Variants in BCL11B observed in about 807,000 individuals in gnomAD.
BCL11B encodes the protein BCL11 transcription factor B, also known as B-cell lymphoma/leukemia 11B.
A neutral mutation model predicts 49.9 loss-of-function variants in BCL11B; 8 were observed. The observed-to-expected ratio is 0.16, with a 90% CI of 0.09 to 0.29. The LOEUF (loss-of-function observed/expected upper bound fraction) is 0.29. Ranked by LOEUF, BCL11B falls within the 10% of genes least tolerant of loss-of-function variation. The probability of loss-of-function intolerance (pLI) is 1.00; values close to 1 mark genes in which losing one functional copy is unlikely to be tolerated. For missense variants in BCL11B, 1,006 were observed against 1,351.0 expected (o/e 0.74, Z 4.00); for synonymous variants, 739 against 637.4 (o/e 1.16, Z -2.40).
chr14:99,267,550 C>CCG (rs1555385127), intron 1 of BCL11B, among the ~76,000 whole-genome samples: 1 of 149,732 alleles, frequency 6.7e-6, no homozygotes, highest in Non-Finnish European at 1.5e-5. Flanking sequence ...CTTCACCCCC[C>CCG]CCCCACCAAC....
At chr14:99,186,819 A>G (rs545979746) in intron 3 of BCL11B, among the ~76,000 whole-genome samples, 1 of 152,344 alleles carries the variant, frequency 6.6e-6, no homozygotes, top group South Asian at 2.1e-4. Flanking sequence ...CAATATAACA[A>G]AAGGATGCAT....
In BCL11B at chr14:99,271,314, T is replaced by TGCG; in HGVS notation, c.-97_-96insCGC. On this transcript the variant is annotated 5_prime_UTR_variant, in exon 1 of 4. Transcript: ENST00000357195. ...GCCGCCGCCGCGCCGCTGCCGCCGC[T>TGCG]GCCGCCGCCGCCGCCGCCGCCGCAC... 1 of 849,218 alleles carries TGCG rather than the reference T, an allele frequency of 1.2e-6. No homozygotes were observed. Among genetic ancestry groups the TGCG allele is most frequent in the South Asian group, 5.2e-5 (1 of 19,322 alleles). The allele number at this position is 849,218 out of a possible 1,614,324, so 52.6% of individuals were successfully genotyped here.
At chr14:99,261,831 C>T (rs768985214) in intron 1 of BCL11B, among the ~76,000 whole-genome samples, 15 of 152,138 alleles carry the variant, frequency 9.9e-5, no homozygotes, top group Non-Finnish European at 1.9e-4. Context: ...AGGGCTGAGG[C>T]GGATTCTGAA....
chr14:99,266,706 G>A (rs1387105726), intron 1 of BCL11B, among the ~76,000 whole-genome samples: 2 of 152,240 alleles, frequency 1.3e-5, no homozygotes, highest in East Asian at 1.9e-4. Flanking sequence ...TAGCGGAGGC[G>A]CCAAGCCATG....
chr14:99,216,863 G>T (rs188367815), intron 3 of BCL11B, among the ~76,000 whole-genome samples: 3 of 151,186 alleles, frequency 2.0e-5, no homozygotes, highest in Non-Finnish European at 2.9e-5. Context: ...ACACACACAC[G>T]CATACATACA....
In BCL11B at chr14:99,170,490, T is replaced by G. The variant is rs1886252673; in HGVS notation, c.*3661A>C. The stretch of plus-strand genomic sequence containing the variant: ...AAAGACCACCACTTTATCTTAAAGC[T>G]ACTTGGCTTTACAAAAAATAAAAAT... On this transcript the variant is annotated 3_prime_UTR_variant, in exon 4 of 4. Coordinates refer to ENST00000357195, the MANE Select transcript of BCL11B (RefSeq NM_138576.4). The G allele has an allele frequency of 4.4e-6, 1 of 227,972 alleles. No individual in the cohort carries two copies. The highest frequency in any genetic ancestry group is 2.2e-5 in the African/African-American group (1 of 44,928). The allele number at this position is 227,972 out of a possible 1,614,324, so 14.1% of individuals were successfully genotyped here. A position where few individuals can be genotyped will look rare whatever the true frequency, so the allele number is the denominator to read the frequency against.
Position 99,176,077 on chromosome 14 carries a change from C to A in BCL11B, c.759G>T (p.Gly253=), listed in dbSNP as rs1054936601. Residue 253 remains glycine (G), a synonymous_variant, in exon 4 of 4, where the codon GGG becomes GGT. Transcript: ENST00000357195. The part of the protein sequence containing the change: ...THGFRIYLEP[G]PASSSLTPRL... ...GCGGCGTGAGCGAGCTGCTGGCCGGCCCGGGCTCCAGGTAGATGCGGAAGC... is the reference window on the plus strand; with the variant it reads ...GCGGCGTGAGCGAGCTGCTGGCCGGACCGGGCTCCAGGTAGATGCGGAAGC... The A allele has an allele frequency of 1.2e-6, 2 of 1,606,392 alleles. No homozygotes were observed. The highest frequency in any genetic ancestry group is 2.7e-5 in the African/African-American group (2 of 74,388).
chr14:99,223,234 A>G (rs907024960), intron 3 of BCL11B, among the ~76,000 whole-genome samples: 27 of 152,094 alleles, frequency 1.8e-4, no homozygotes, highest in African/African-American at 5.5e-4. Flanking sequence ...CAGTTCATTC[A>G]TTTTTCCCCA....
chr14:99,254,470 G>T (rs544009961), intron 2 of BCL11B, among the ~76,000 whole-genome samples: 2 of 152,316 alleles, frequency 1.3e-5, no homozygotes, highest in East Asian at 1.9e-4. Context: ...GAAGAGCGGG[G>T]ACCTGCCTGG....
chr14:99,231,744 T>G lies in BCL11B; in HGVS notation c.428-187A>C, dbSNP rs1321508493. Among the ~76,000 whole-genome samples, 19 of 107,334 alleles carry G rather than the reference T, an allele frequency of 1.8e-4. No homozygotes were observed. Among genetic ancestry groups the G allele is most frequent in the South Asian group, 6.7e-4 (2 of 2,972 alleles). The allele number at this position is 107,334 out of a possible 152,430, so 70.4% of individuals were successfully genotyped here. A position where few individuals can be genotyped will look rare whatever the true frequency, so the allele number is the denominator to read the frequency against. On this transcript the variant is annotated intron_variant, in intron 2 of 3. Coordinates refer to ENST00000357195, the MANE Select transcript of BCL11B (RefSeq NM_138576.4). The surrounding 1 kb of genome is among the most constrained non-coding windows in gnomAD (Gnocchi z 8.1). ...AGGCGAGGGAATGGGCTCGGGGAGGTGGGCAGGGGGCACTGGGGAGGGCCC... is the reference window on the plus strand; with the variant it reads ...AGGCGAGGGAATGGGCTCGGGGAGGGGGGCAGGGGGCACTGGGGAGGGCCC...
rs1886297305 is a variant in BCL11B, at chr14:99,171,747, C to A, written c.*2404G>T. On this transcript the variant is annotated 3_prime_UTR_variant, in exon 4 of 4. Coordinates refer to ENST00000357195, the MANE Select transcript of BCL11B (RefSeq NM_138576.4). ...TTTTTTTGAAATAAAAATTCAACAC[C>A]CAAGGCAGAAAAAAATTTACTAAAA... The A allele has an allele frequency of 4.8e-6, 1 of 209,660 alleles. No homozygotes were observed. The highest frequency in any genetic ancestry group is 9.7e-6 in the Non-Finnish European group (1 of 103,256). The allele number at this position is 209,660 out of a possible 1,614,324, so 13.0% of individuals were successfully genotyped here. A position where few individuals can be genotyped will look rare whatever the true frequency, so the allele number is the denominator to read the frequency against.
Position 99,242,286 on chromosome 14 carries a change from C to T in BCL11B, c.428-10729G>A, listed in dbSNP as rs977008421. Among the ~76,000 whole-genome samples the T allele has an allele frequency of 6.6e-6, 1 of 152,206 alleles. No homozygotes were observed. Among genetic ancestry groups the T allele is most frequent in the Non-Finnish European group, 1.5e-5 (1 of 68,038 alleles). ...TTACATGGGCGTTGCATGATCTTGT[C>T]CCCCTGCTTCCCTACCTTTTCTCGC... is the stretch of plus-strand genomic sequence containing the variant. On this transcript the variant is annotated intron_variant, in intron 2 of 3. Transcript: ENST00000357195. The surrounding 1 kb of genome is among the most constrained non-coding windows in gnomAD (Gnocchi z 4.4).
Position 99,174,145 on chromosome 14 carries a change from G to A in BCL11B, c.*6C>T, listed in dbSNP as rs373415349. The A allele has an allele frequency of 8.1e-6, 13 of 1,609,612 alleles. No individual in the cohort carries two copies. The highest frequency in any genetic ancestry group is 6.7e-5 in the Admixed American group (4 of 59,980). ...GTACAGGTGCGGGGCGCCGGGGCCCGCGCGCTTAGCTCCTCTCGGCCTGCT... is the reference window on the plus strand; with the variant it reads ...GTACAGGTGCGGGGCGCCGGGGCCCACGCGCTTAGCTCCTCTCGGCCTGCT... On this transcript the variant is annotated 3_prime_UTR_variant, in exon 4 of 4. Coordinates refer to ENST00000357195, the MANE Select transcript of BCL11B (RefSeq NM_138576.4).
In BCL11B at chr14:99,271,328, C is replaced by CG; in HGVS notation, c.-111_-110insC. ...GCTGCCGCCGCTGCCGCCGCCGCCGCCGCCGCCGCACCTCCTCCTCTGCCC... is the reference window on the plus strand; with the variant it reads ...GCTGCCGCCGCTGCCGCCGCCGCCGCGCGCCGCCGCACCTCCTCCTCTGCCC... On this transcript the variant is annotated 5_prime_UTR_variant, in exon 1 of 4. Coordinates refer to ENST00000357195, the MANE Select transcript of BCL11B (RefSeq NM_138576.4). 1 of 769,400 alleles carries CG rather than the reference C, an allele frequency of 1.3e-6. No individual in the cohort carries two copies. The highest frequency in any genetic ancestry group is 1.7e-6 in the Non-Finnish European group (1 of 580,060). The allele number at this position is 769,400 out of a possible 1,614,324, so 47.7% of individuals were successfully genotyped here.
Position 99,228,625 on chromosome 14 carries a change from T to A in BCL11B, c.640+2720A>T, listed in dbSNP as rs971367337. On this transcript the variant is annotated intron_variant, in intron 3 of 3. Transcript: ENST00000357195. This position sits in a 1 kb window ranked among gnomAD's most constrained non-coding sequence, Gnocchi z 4.8. ...GCACTGGTTGCTCACAGGCTCTGAG[T>A]CCTGGCAGCTCTCAAGGCCTAAAAT... is the stretch of plus-strand genomic sequence containing the variant. 3.3e-5 allele frequency among the ~76,000 whole-genome samples: 5 copies of A among 152,122 alleles called. No individual in the cohort carries two copies. Among genetic ancestry groups the A allele is most frequent in the African/African-American group, 1.2e-4 (5 of 41,404 alleles).
At chr14:99,217,152 GCA>G (rs1236750747) in intron 3 of BCL11B, among the ~76,000 whole-genome samples, 1 of 151,850 alleles carries the variant, frequency 6.6e-6, no homozygotes, top group Non-Finnish European at 1.5e-5. Context: ...GTATGTATAT[GCA>G]CACATATATA....
At chr14:99,210,000 G>A (rs1319594245) in intron 3 of BCL11B, among the ~76,000 whole-genome samples, 2 of 152,020 alleles carry the variant, frequency 1.3e-5, no homozygotes, top group African/African-American at 4.8e-5. Context: ...AGGAAATGGT[G>A]TGAGGTGGTG....
Position 99,271,515 on chromosome 14 carries a change from CA to C in BCL11B, c.-298del, listed in dbSNP as rs142600683. ...CTCGATCTAAAATAAGAAAAAGAGG[CA>C]AAAAAAAAAAAAACTGCTGTTGCTT... On this transcript the variant is annotated 5_prime_UTR_variant, in exon 1 of 4. Coordinates refer to ENST00000357195, the MANE Select transcript of BCL11B (RefSeq NM_138576.4). The C allele has an allele frequency of 9.1e-3, 1,577 of 173,592 alleles. 7 individuals are homozygous for C. The highest frequency in any genetic ancestry group is 0.021 in the African/African-American group (814 of 38,534). 10.8% of individuals were successfully genotyped at this position (173,592 alleles called of 1,614,324 possible). A position where few individuals can be genotyped will look rare whatever the true frequency, so the allele number is the denominator to read the frequency against.
At chr14:99,260,806 G>A (rs956761878) in intron 1 of BCL11B, among the ~76,000 whole-genome samples, 6 of 151,924 alleles carry the variant, frequency 3.9e-5, no homozygotes, top group South Asian at 2.1e-4. Context: ...TGATTTCTGC[G>A]TCAAGTCCTA....
Sources: gnomAD v4.1 joint callset for allele counts (sites outside exome capture counted in the v4.1 genomes callset) on GRCh38, gnomAD v4.1.1 for gene constraint, Gnocchi (gnomAD v3.1) non-coding constraint, MANE v1.5 for transcripts, NCBI Gene and HGNC (gene_info 2026-07-23, HGNC 2026-07-21) for gene names.